FAM171A1: variants seen among roughly 807,000 people sequenced by gnomAD.
FAM171A1 encodes family with sequence similarity 171 member A1, also known as protein FAM171A1.
A neutral mutation model predicts 74.9 loss-of-function variants in FAM171A1; 23 were observed. The observed-to-expected ratio is 0.31, with a 90% confidence interval of 0.22 to 0.44. The LOEUF is 0.44. FAM171A1 is among the 20% of genes least tolerant of loss of function. The pLI, the probability that FAM171A1 is intolerant of heterozygous loss-of-function variation, is 1.00. For missense variants in FAM171A1, 1,162 were observed against 1,159.2 expected (o/e 1.00, Z -0.03); for synonymous variants, 527 against 505.7 (o/e 1.04, Z -0.57).
chr10:15,213,597 G>T lies in FAM171A1; in HGVS notation c.1991C>A (p.Ser664Ter), dbSNP rs755577553. 1 of 1,614,174 alleles carries T rather than the reference G, an allele frequency of 6.2e-7. No individual in the cohort carries two copies. The highest frequency in any genetic ancestry group is 1.1e-5 in the South Asian group (1 of 91,080). ...GGAAGCTGGGATGGAGAGAGACTCC[G>T]ACATGGATGCGTTCTGAGGGCTCCA... is the stretch of plus-strand genomic sequence containing the variant. ...REWSPQNASM[S>*]ESLSIPASLN... Residue 664 changes from serine (S) to a stop codon, truncating the protein, a stop_gained, in exon 8 of 8, where the codon TCG becomes TAG. Coordinates refer to ENST00000378116, the MANE Select transcript of FAM171A1 (RefSeq NM_001010924.2). LOFTEE classifies it high-confidence loss of function. The surrounding 1 kb of genome is among the most constrained non-coding windows in gnomAD (Gnocchi z 6.8).
At chr10:15,293,937 G>A (rs1017063179) in intron 1 of FAM171A1, among the ~76,000 whole-genome samples, 13 of 152,164 alleles carry the variant, frequency 8.5e-5, no homozygotes, top group African/African-American at 2.4e-4. Flanking sequence ...TAGCTAAGAA[G>A]GAGAAAAAAT....
intron 1 of FAM171A1, among the ~76,000 whole-genome samples, chr10:15,304,348 G>A (rs1406828626): frequency 6.6e-6 from 1 of 152,094 alleles, no homozygotes. Flanking sequence ...ACTGCTCGGT[G>A]AGCATGACTT....
At chr10:15,276,331 C>A (rs571083504) in intron 2 of FAM171A1, among the ~76,000 whole-genome samples, 14 of 152,292 alleles carry the variant, frequency 9.2e-5, no homozygotes, top group Non-Finnish European at 1.9e-4. Flanking sequence ...CAGGCACCTG[C>A]CACCATGCCC....
chr10:15,311,620 T>G (rs1835360386), intron 1 of FAM171A1, among the ~76,000 whole-genome samples: 1 of 152,156 alleles, frequency 6.6e-6, no homozygotes, highest in Non-Finnish European at 1.5e-5. Context: ...TAGTATGAAA[T>G]GCAGTCCCTG....
rs61637156 is a variant in FAM171A1, at chr10:15,233,521, GGTGTGT to G, written c.755-12467_755-12462del. Among the ~76,000 whole-genome samples the G allele has an allele frequency of 9.7e-3, 1,406 of 145,356 alleles. 8 individuals are homozygous for G. Among genetic ancestry groups the G allele is most frequent in the Middle Eastern group, 0.041 (12 of 290 alleles). On this transcript the variant is annotated intron_variant, in intron 5 of 7. Transcript: ENST00000378116. ...TTCTGCACATGCCGGGTGTATTCAG[GGTGTGT>G]GTGTGTGTGTGTGTGTGTGTGTGTG...
chr10:15,248,339 G>T (rs925765368), intron 5 of FAM171A1, among the ~76,000 whole-genome samples: 1 of 151,414 alleles, frequency 6.6e-6, no homozygotes, highest in Non-Finnish European at 1.5e-5. Context: ...ATGAATAAAA[G>T]GATGAAGATT....
chr10:15,230,760 TTAAA>T (rs1465987955), intron 5 of FAM171A1, among the ~76,000 whole-genome samples: 1 of 152,334 alleles, frequency 6.6e-6, no homozygotes, highest in East Asian at 1.9e-4. Flanking sequence ...ACTTTATTCC[TTAAA>T]TAGATAGCTA....
chr10:15,295,353 A>G (rs765111729), intron 1 of FAM171A1, among the ~76,000 whole-genome samples: 1 of 152,190 alleles, frequency 6.6e-6, no homozygotes, highest in African/African-American at 2.4e-5. Flanking sequence ...CAAAACATGT[A>G]CTATTCCAAA....
In FAM171A1 at chr10:15,328,438, C is replaced by T. The variant is rs143303808; in HGVS notation, c.97+42518G>A. ...CTGGGATTACAGGCATGAACCACGGCGCCTGGCCTGTTGTTGTTTTAAATC... is the reference window on the plus strand; with the variant it reads ...CTGGGATTACAGGCATGAACCACGGTGCCTGGCCTGTTGTTGTTTTAAATC... On this transcript the variant is annotated intron_variant, in intron 1 of 7. Transcript: ENST00000378116. Among the ~76,000 whole-genome samples the T allele has an allele frequency of 2.9e-3, 440 of 152,306 alleles. 1 individual carries two copies. Among genetic ancestry groups the T allele is most frequent in the Admixed American group, 3.7e-3 (57 of 15,292 alleles).
At chr10:15,307,417 G>C (rs1389037043) in intron 1 of FAM171A1, among the ~76,000 whole-genome samples, 1 of 151,968 alleles carries the variant, frequency 6.6e-6, no homozygotes, top group Non-Finnish European at 1.5e-5. Context: ...GGTTGAGGCG[G>C]GTGGATCACC....
chr10:15,223,945 C>T (rs745442737), intron 5 of FAM171A1, among the ~76,000 whole-genome samples: 1 of 152,156 alleles, frequency 6.6e-6, no homozygotes, highest in Non-Finnish European at 1.5e-5. Flanking sequence ...CTCCACATTA[C>T]ATTTGGGACA....
intron 1 of FAM171A1, among the ~76,000 whole-genome samples, chr10:15,363,455 G>A (rs540290605): frequency 6.6e-6 from 1 of 152,344 alleles, no homozygotes; most frequent in South Asian, 2.1e-4. Flanking sequence ...TAAGCTATGA[G>A]AGAGAGACAA....
chr10:15,287,065 G>T (rs887466198), intron 1 of FAM171A1, among the ~76,000 whole-genome samples: 2 of 150,776 alleles, frequency 1.3e-5, no homozygotes, highest in Non-Finnish European at 2.9e-5. Flanking sequence ...GGATGTGCAC[G>T]ACACATACAC....
intron 5 of FAM171A1, among the ~76,000 whole-genome samples, chr10:15,230,754 T>C (rs1448692998): frequency 6.6e-6 from 1 of 152,232 alleles, no homozygotes; most frequent in Non-Finnish European, 1.5e-5. Flanking sequence ...ATAGAAACTT[T>C]ATTCCTTAAA....
intron 1 of FAM171A1, among the ~76,000 whole-genome samples, chr10:15,369,253 C>T (rs1244303095): frequency 2.1e-5 from 3 of 140,384 alleles, no homozygotes; most frequent in African/African-American, 8.9e-5. Flanking sequence ...GCCTTCCTTT[C>T]TCTAATTCAG....
intron 1 of FAM171A1, among the ~76,000 whole-genome samples, chr10:15,316,471 G>A (rs140197079): frequency 6.6e-6 from 1 of 152,306 alleles, no homozygotes; most frequent in Non-Finnish European, 1.5e-5. Context: ...GCATTCCTCG[G>A]GGTGAGTCCA....
intron 5 of FAM171A1, among the ~76,000 whole-genome samples, chr10:15,247,335 C>T (rs918646061): frequency 5.9e-5 from 9 of 152,088 alleles, no homozygotes; most frequent in African/African-American, 1.4e-4. Flanking sequence ...TCGATCATAG[C>T]GACATCACTC....
intron 5 of FAM171A1, among the ~76,000 whole-genome samples, chr10:15,232,750 C>T (rs1211242681): frequency 6.6e-6 from 1 of 152,162 alleles, no homozygotes; most frequent in Non-Finnish European, 1.5e-5. Flanking sequence ...AAGCGGGAAT[C>T]CACAAAAATC....
chr10:15,364,523 G>A (rs975061890), intron 1 of FAM171A1, among the ~76,000 whole-genome samples: 23 of 152,266 alleles, frequency 1.5e-4, no homozygotes, highest in Middle Eastern at 6.8e-3. Context: ...CTGTGTGGGC[G>A]AATCTCTATT....
Sources: gnomAD v4.1 joint callset for allele counts (sites outside exome capture counted in the v4.1 genomes callset) on GRCh38, gnomAD v4.1.1 for gene constraint, Gnocchi (gnomAD v3.1) non-coding constraint, MANE v1.5 for transcripts, NCBI Gene and HGNC (gene_info 2026-07-23, HGNC 2026-07-21) for gene names.